NCKAP5: variants seen among roughly 807,000 people sequenced by gnomAD.
The protein encoded by NCKAP5 is nck-associated protein 5.
A neutral mutation model predicts 167.0 loss-of-function variants in NCKAP5; 92 were observed. The observed-to-expected ratio is 0.55, with a 90% CI of 0.47 to 0.66. The LOEUF (loss-of-function observed/expected upper bound fraction) is 0.66. Among genes scored for constraint, NCKAP5 ranks in the 30% least tolerant of loss-of-function variants. The probability of loss-of-function intolerance (pLI) is 0.00; values close to 1 mark genes in which losing one functional copy is unlikely to be tolerated. For synonymous variants in NCKAP5, 891 were observed against 877.4 expected, an observed-to-expected ratio of 1.02 and a Z score of -0.27; for missense variants, 2,378 against 2,315.0, an observed-to-expected ratio of 1.03 and a Z score of -0.56.
At chr2:133,657,015 AT>A in the NCKAP5 span, among the ~76,000 whole-genome samples, 1 of 152,170 alleles carries the variant, frequency 6.6e-6, no homozygotes, top group African/African-American at 2.4e-5. Flanking sequence ...CAATGAGAAC[AT>A]GCGATGTTTG....
intron 3 of NCKAP5, among the ~76,000 whole-genome samples, chr2:133,468,832 C>T (rs1020328949): frequency 1.3e-5 from 2 of 152,066 alleles, no homozygotes; most frequent in African/African-American, 2.4e-5. Context: ...AGGTTTGCAA[C>T]CCCTGCCTTT....
In NCKAP5 at chr2:132,916,924, C is replaced by T. The variant is rs527773861; in HGVS notation, c.580-38008G>A. Among the ~76,000 whole-genome samples, 20 of 152,320 alleles carry T rather than the reference C, an allele frequency of 1.3e-4. No individual in the cohort carries two copies. The South Asian group carries it at 3.1e-3, about 24-fold the overall frequency. ...GGGTAAATCAAATTGAAATATTCTA[C>T]TTTGAGTCTTGATTCTCTAATGCAA... On this transcript the variant is annotated intron_variant, in intron 8 of 19. Transcript: ENST00000409261.
At chr2:132,769,632 C>A (rs76415190) in intron 16 of NCKAP5, among the ~76,000 whole-genome samples, 2,636 of 152,230 alleles carry the variant, frequency 0.017, 82 homozygotes, top group African/African-American at 0.06. Flanking sequence ...TGTGGAGAAC[C>A]TATTGACTGG....
intron 5 of NCKAP5, among the ~76,000 whole-genome samples, chr2:133,159,084 G>A (rs1021793714): frequency 6.6e-6 from 1 of 151,878 alleles, no homozygotes; most frequent in Non-Finnish European, 1.5e-5. Context: ...TCTAATCTGG[G>A]AGCCCTTAAA....
At chr2:133,255,854 T>C (rs563400061) in intron 4 of NCKAP5, among the ~76,000 whole-genome samples, 1 of 152,262 alleles carries the variant, frequency 6.6e-6, no homozygotes, top group African/African-American at 2.4e-5. Context: ...CATTACAGAA[T>C]TAAAAACAAG....
chr2:133,235,812 G>A (rs754727826), intron 4 of NCKAP5, among the ~76,000 whole-genome samples: 10 of 151,664 alleles, frequency 6.6e-5, no homozygotes, highest in Non-Finnish European at 1.3e-4. Context: ...GCTGAGGCAG[G>A]AGAATCACTT....
intron 3 of NCKAP5, among the ~76,000 whole-genome samples, chr2:133,389,136 G>A (rs2150982439): frequency 6.6e-6 from 1 of 152,214 alleles, no homozygotes; most frequent in East Asian, 1.9e-4. Flanking sequence ...CTCATGCTGG[G>A]AGCTGTACAC....
At chr2:133,178,302 G>A (rs1042539744) in intron 5 of NCKAP5, among the ~76,000 whole-genome samples, 6 of 151,190 alleles carry the variant, frequency 4.0e-5, no homozygotes, top group East Asian at 2.0e-4. Context: ...AGTTTGAGAC[G>A]ACCCTGGCCA....
At chr2:132,964,017 T>A (rs1473985381) in intron 7 of NCKAP5, 148 bp from the exon 8 acceptor site, 2 of 902,032 alleles carry the variant, frequency 2.2e-6, no homozygotes, top group Non-Finnish European at 1.7e-6. Flanking sequence ...GGGTTTATTT[T>A]AAAAAATGAA....
rs1458453839 is a variant in NCKAP5, at chr2:132,783,761, T to C, written c.3050A>G (p.Gln1017Arg). 1 of 1,589,968 alleles carries C rather than the reference T, an allele frequency of 6.3e-7. No individual in the cohort carries two copies. The highest frequency in any genetic ancestry group is 1.8e-5 in the Admixed American group (1 of 56,892). Residue 1017 changes from glutamine to arginine, a missense_variant, in exon 14 of 20, where the codon CAA (glutamine) becomes CGA (arginine). By Grantham distance (43) the Gln-to-Arg change is conservative. Transcript: ENST00000409261. ...GGGGGCATGAGCAGGGCATCGGGTT[T>C]GAATGACTGCTTCTGGGGAGGGCAT... ...HPMPSPEAVI[Q>R]TRCPAHAPSS...
At chr2:132,720,114 C>G (rs984044510) in intron 19 of NCKAP5, among the ~76,000 whole-genome samples, 3 of 152,214 alleles carry the variant, frequency 2.0e-5, no homozygotes, top group Admixed American at 1.3e-4. Context: ...CTTCCTACAA[C>G]TGGCTTGCTC....
chr2:133,539,870 A>G (rs1264401312), intron 2 of NCKAP5, among the ~76,000 whole-genome samples: 1 of 152,306 alleles, frequency 6.6e-6, no homozygotes, highest in South Asian at 2.1e-4. Context: ...AATTTTCAAA[A>G]CAGAAGAACA....
chr2:133,507,226 AAACAGCTCCTCCTC>A (rs1683092755), intron 3 of NCKAP5, among the ~76,000 whole-genome samples: 1 of 152,244 alleles, frequency 6.6e-6, no homozygotes, highest in African/African-American at 2.4e-5. Flanking sequence ...AGGCCTCTGC[AAACAGCTCCTCCTC>A]ACAGAAAGGG....
intron 3 of NCKAP5, among the ~76,000 whole-genome samples, chr2:133,474,290 GC>G (rs1240282476): frequency 6.6e-6 from 1 of 152,040 alleles, no homozygotes; most frequent in African/African-American, 2.4e-5. Context: ...AGTGAAATAA[GC>G]CAGGCATAGA....
the NCKAP5 span, among the ~76,000 whole-genome samples, chr2:133,660,180 C>A: frequency 6.6e-6 from 1 of 152,188 alleles, no homozygotes; most frequent in East Asian, 1.9e-4. Flanking sequence ...AATGGTTCTT[C>A]CCTCCCTCGC....
At chr2:133,535,499 A>G (rs2104851532) in intron 2 of NCKAP5, among the ~76,000 whole-genome samples, 1 of 152,086 alleles carries the variant, frequency 6.6e-6, no homozygotes, top group East Asian at 1.9e-4. Context: ...ATAGTATTCC[A>G]TGGTGTTGTG....
At chr2:132,712,577 G>A (rs376363557) in intron 19 of NCKAP5, among the ~76,000 whole-genome samples, 13 of 152,072 alleles carry the variant, frequency 8.5e-5, no homozygotes, top group African/African-American at 2.9e-4. Flanking sequence ...GCGTGAACCC[G>A]GAAGGCGGAG....
chr2:133,506,081 C>A (rs755164581), intron 3 of NCKAP5, among the ~76,000 whole-genome samples: 1 of 152,190 alleles, frequency 6.6e-6, no homozygotes, highest in Non-Finnish European at 1.5e-5. Flanking sequence ...TAAGGACTTA[C>A]GCAGTTCTAA....
At chr2:133,256,573 A>G (rs1574513670) in intron 4 of NCKAP5, among the ~76,000 whole-genome samples, 1 of 152,238 alleles carries the variant, frequency 6.6e-6, no homozygotes, top group African/African-American at 2.4e-5. Flanking sequence ...ACAAGCATAC[A>G]CAATTTGTAG....
Sources: allele counts gnomAD v4.1 joint callset (sites outside exome capture counted in the v4.1 genomes callset), GRCh38; gene constraint gnomAD v4.1.1; transcripts MANE v1.5; gene names NCBI Gene and HGNC (gene_info 2026-07-23, HGNC 2026-07-21).